The following RSU1 variants were observed in gnomAD, a reference collection of about 807,000 sequenced individuals.
RSU1 encodes Ras suppressor protein 1, also known as rsu-1.
In RSU1, 26 loss-of-function variants were observed where a neutral mutation model predicts 31.1. The observed-to-expected ratio is 0.84, with a 90% confidence interval of 0.61 to 1.16. The LOEUF (loss-of-function observed/expected upper bound fraction) is 1.16, where lower values mean the gene tolerates loss of function less well. Among genes scored for constraint, RSU1 ranks in the 50% most tolerant of loss-of-function variants. The probability of loss-of-function intolerance (pLI) is 0.00; values close to 1 mark genes in which losing one functional copy is unlikely to be tolerated. For synonymous variants in RSU1, 164 were observed against 136.3 expected (o/e 1.20, Z -1.41); for missense variants, 320 against 339.1 (o/e 0.94, Z 0.44).
At chr10:16,610,219 C>T (rs1169199680) in intron 8 of RSU1, among the ~76,000 whole-genome samples, 2 of 152,172 alleles carry the variant, frequency 1.3e-5, no homozygotes, top group Non-Finnish European at 2.9e-5. Flanking sequence ...GTCCGTCAGA[C>T]AAGCTACAGT....
chr10:16,643,617 T>A (rs998166091), intron 8 of RSU1, among the ~76,000 whole-genome samples: 2 of 152,162 alleles, frequency 1.3e-5, no homozygotes, highest in African/African-American at 4.8e-5. Flanking sequence ...AAACAGCCCA[T>A]AGAGTTACCT....
chr10:16,705,765 C>G (rs1835886249), intron 7 of RSU1, among the ~76,000 whole-genome samples: 1 of 152,288 alleles, frequency 6.6e-6, no homozygotes, highest in African/African-American at 2.4e-5. Flanking sequence ...GCTGGGATTA[C>G]AGGAGTGAGC....
chr10:16,700,386 T>C (rs891284128), intron 7 of RSU1, among the ~76,000 whole-genome samples: 1 of 152,172 alleles, frequency 6.6e-6, no homozygotes, highest in African/African-American at 2.4e-5. Flanking sequence ...ATTACTATAC[T>C]AGATTTCTCC....
chr10:16,665,835 T>C (rs1834979096), intron 8 of RSU1, among the ~76,000 whole-genome samples: 2 of 152,190 alleles, frequency 1.3e-5, no homozygotes, highest in Admixed American at 6.5e-5. Flanking sequence ...CTATGATAAA[T>C]GGACAAGGTA....
chr10:16,621,604 A>C (rs929113900), intron 8 of RSU1, among the ~76,000 whole-genome samples: 3 of 152,218 alleles, frequency 2.0e-5, no homozygotes, highest in Non-Finnish European at 4.4e-5. Context: ...TGATTGGGGA[A>C]GCCTCACAAT....
rs868022130 is a variant in RSU1 at position 16,645,862 on chromosome 10, G to A, written c.731+49161C>T. On this transcript the variant is annotated intron_variant, in intron 8 of 8. Transcript: ENST00000345264. ...GTCTAGAAGGTTTTAAAATATATAC[G>A]TATATATACATATATGTGTATATAC... Among the ~76,000 whole-genome samples the A allele has an allele frequency of 5.3e-4, 65 of 122,032 alleles. 2 individuals are homozygous for A. Among genetic ancestry groups the A allele is most frequent in the Non-Finnish European group, 3.4e-4 (21 of 61,542 alleles). 80.1% of individuals were successfully genotyped at this position (122,032 alleles called of 152,430 possible).
At chr10:16,737,922 G>C (rs77641266) in intron 7 of RSU1, among the ~76,000 whole-genome samples, 3,203 of 152,244 alleles carry the variant, frequency 0.021, 122 homozygotes, top group African/African-American at 0.072. Flanking sequence ...TGAAGGACTA[G>C]AATTATATAG....
intron 8 of RSU1, among the ~76,000 whole-genome samples, chr10:16,612,916 C>T (rs190197055): frequency 7.7e-4 from 117 of 151,238 alleles, no homozygotes; most frequent in Middle Eastern, 6.8e-3. Context: ...GGTTATTTGT[C>T]CCCTTAATTT....
intron 8 of RSU1, among the ~76,000 whole-genome samples, chr10:16,623,773 G>C (rs1278695175): frequency 1.3e-5 from 2 of 152,178 alleles, no homozygotes; most frequent in Non-Finnish European, 2.9e-5. Context: ...CTAATGATTA[G>C]TGCTGTCGAG....
intron 8 of RSU1, among the ~76,000 whole-genome samples, chr10:16,667,778 G>A (rs1393103455): frequency 1.3e-5 from 2 of 152,162 alleles, no homozygotes; most frequent in East Asian, 3.9e-4. Flanking sequence ...ATGAGGCACT[G>A]TGCCTGGCCA....
intron 7 of RSU1, among the ~76,000 whole-genome samples, chr10:16,720,409 T>G (rs1294868690): frequency 1.3e-5 from 2 of 152,214 alleles, no homozygotes; most frequent in Non-Finnish European, 2.9e-5. Flanking sequence ...ATGCACATAG[T>G]CACTACATCA....
intron 7 of RSU1, among the ~76,000 whole-genome samples, chr10:16,702,784 C>G (rs1019132229): frequency 6.6e-6 from 1 of 152,140 alleles, no homozygotes; most frequent in Non-Finnish European, 1.5e-5. Context: ...TGAGTTAAGA[C>G]TTTGGGGGAC....
At chr10:16,651,690 C>G (rs763662246) in intron 8 of RSU1, among the ~76,000 whole-genome samples, 1 of 152,186 alleles carries the variant, frequency 6.6e-6, no homozygotes, top group Non-Finnish European at 1.5e-5. Flanking sequence ...CAATATTACT[C>G]TAAAGGTACT....
intron 8 of RSU1, among the ~76,000 whole-genome samples, chr10:16,665,755 T>C (rs1331505597): frequency 1.3e-5 from 2 of 152,202 alleles, no homozygotes; most frequent in East Asian, 1.9e-4. Context: ...GAATAAAATA[T>C]TTAAGACATG....
intron 4 of RSU1, among the ~76,000 whole-genome samples, chr10:16,756,806 AGT>A (rs1837095578): frequency 6.7e-6 from 1 of 148,234 alleles, no homozygotes; most frequent in South Asian, 2.2e-4. Flanking sequence ...ATTGTGTGTG[AGT>A]GTGTGTGTGG....
intron 7 of RSU1, among the ~76,000 whole-genome samples, chr10:16,724,195 C>T (rs1423710988): frequency 3.9e-5 from 6 of 151,990 alleles, no homozygotes; most frequent in African/African-American, 4.8e-5. Flanking sequence ...TGCCTGCCTT[C>T]GCCTCCCAAA....
intron 4 of RSU1, among the ~76,000 whole-genome samples, chr10:16,755,819 C>T (rs537207065): frequency 1.3e-5 from 2 of 152,218 alleles, no homozygotes; most frequent in East Asian, 3.9e-4. Context: ...TTTTACATTC[C>T]ACATATAAGT....
At chr10:16,730,727 GAATCCC>G in intron 7 of RSU1, among the ~76,000 whole-genome samples, 1 of 152,218 alleles carries the variant, frequency 6.6e-6, no homozygotes, top group South Asian at 2.1e-4. Context: ...AAATCACTGA[GAATCCC>G]AACATACAGA....
At chr10:16,781,726 C>A (rs553746869) in intron 3 of RSU1, among the ~76,000 whole-genome samples, 162 of 152,290 alleles carry the variant, frequency 1.1e-3, no homozygotes, top group Non-Finnish European at 3.2e-4. Context: ...ACGGTTCATG[C>A]CTGTAATCCC....
Sources: gnomAD v4.1 joint callset for allele counts (sites outside exome capture counted in the v4.1 genomes callset) on GRCh38, gnomAD v4.1.1 for gene constraint, MANE v1.5 for transcripts, NCBI Gene and HGNC (gene_info 2026-07-23, HGNC 2026-07-21) for gene names.